Variants in ABCC1 observed in about 807,000 individuals in gnomAD.
ABCC1 encodes multidrug resistance-associated protein 1.
In ABCC1, 83 loss-of-function variants were observed where a neutral mutation model predicts 172.9. That is an observed-to-expected ratio of 0.48 (90% confidence interval 0.40 to 0.58). The LOEUF (loss-of-function observed/expected upper bound fraction) is 0.58, where lower values mean the gene tolerates loss of function less well. Among genes scored for constraint, ABCC1 ranks in the 20% least tolerant of loss-of-function variants. The pLI is 0.00. For synonymous variants in ABCC1, 937 were observed against 825.2 expected, an observed-to-expected ratio of 1.14 and a Z score of -2.32; for missense variants, 1,817 against 2,002.7, an observed-to-expected ratio of 0.91 and a Z score of 1.77.
chr16:16,098,806 G>GA, intron 19 of ABCC1: 2 of 1,308,072 alleles, frequency 1.5e-6, no homozygotes, highest in South Asian at 2.3e-5. Context: ...CCTTTATTTA[G>GA]ATAGGGGCTT....
In ABCC1 at chr16:16,141,316, G is replaced by A. The variant is rs751703876; in HGVS notation, c.*35G>A. On this transcript the variant is annotated 3_prime_UTR_variant, in exon 31 of 31. Coordinates refer to ENST00000399410, the MANE Select transcript of ABCC1 (RefSeq NM_004996.4). ...CTGGCATATCTGGTCAGAACTGCAG[G>A]GCCTATATGCCAGCGCCCAGGGAGG... 6.9e-6 allele frequency: 11 copies of A among 1,594,178 alleles called. No individual in the cohort carries two copies. The South Asian group carries it at 7.7e-5, about 11-fold the overall frequency.
At position 16,122,176 on chromosome 16, in the gene ABCC1, T is replaced by A; in HGVS notation, c.3590+2T>A. On this transcript the variant is annotated splice_donor_variant, in intron 24 of 30. Coordinates refer to ENST00000399410, the MANE Select transcript of ABCC1 (RefSeq NM_004996.4). LOFTEE classifies it high-confidence loss of function. ...TTACCCCAGCATCGTGGCCAACAGGTGGGCATGGTGGGCCTGCAGGAGCGG... is the reference window on the plus strand; with the variant it reads ...TTACCCCAGCATCGTGGCCAACAGGAGGGCATGGTGGGCCTGCAGGAGCGG... The A allele has an allele frequency of 6.2e-7, 1 of 1,614,006 alleles. No homozygotes were observed. Among genetic ancestry groups the A allele is most frequent in the Non-Finnish European group, 8.5e-7 (1 of 1,179,934 alleles).
intron 30 of ABCC1, among the ~76,000 whole-genome samples, chr16:16,139,366 C>T (rs2046042080): frequency 6.6e-6 from 1 of 151,882 alleles, no homozygotes; most frequent in Non-Finnish European, 1.5e-5. Context: ...AATCCCAGCA[C>T]TTTGGGAGGC....
chr16:16,115,798 C>T (rs926806945), intron 23 of ABCC1, among the ~76,000 whole-genome samples: 2 of 152,018 alleles, frequency 1.3e-5, no homozygotes, highest in African/African-American at 4.8e-5. Flanking sequence ...CTGTTCAGGG[C>T]TGGTATGGCA....
intron 22 of ABCC1, among the ~76,000 whole-genome samples, chr16:16,114,344 A>ATT (rs1029906186): frequency 2.7e-5 from 4 of 145,786 alleles, no homozygotes; most frequent in East Asian, 4.0e-4. Context: ...TATTATTACT[A>ATT]TTTTTTTTTT....
chr16:16,067,944 C>T (rs971314420), intron 12 of ABCC1, among the ~76,000 whole-genome samples: 8 of 152,182 alleles, frequency 5.3e-5, no homozygotes, highest in South Asian at 2.1e-4. Flanking sequence ...TTTGGGCTCC[C>T]GGTCGTTGAT....
At chr16:16,108,634 C>T (rs1245560779) in intron 21 of ABCC1, among the ~76,000 whole-genome samples, 8 of 147,618 alleles carry the variant, frequency 5.4e-5, no homozygotes, top group Admixed American at 3.5e-4. Context: ...CTGACTCTGT[C>T]ACCCAGGATG....
At chr16:16,026,180 C>G (rs2048361381) in intron 5 of ABCC1, among the ~76,000 whole-genome samples, 1 of 151,992 alleles carries the variant, frequency 6.6e-6, no homozygotes, top group African/African-American at 2.4e-5. Context: ...GCCTGTAATC[C>G]CAGCACTTTG....
intron 1 of ABCC1, among the ~76,000 whole-genome samples, chr16:15,961,656 C>T (rs1293379250): frequency 6.6e-6 from 1 of 152,058 alleles, no homozygotes; most frequent in Non-Finnish European, 1.5e-5. Context: ...TTTTTTCCCT[C>T]CCTAGTTGGG....
chr16:15,966,671 G>A (rs1233058446), intron 1 of ABCC1, among the ~76,000 whole-genome samples: 1 of 140,918 alleles, frequency 7.1e-6, no homozygotes. Flanking sequence ...TTTTTTTAGA[G>A]ACAGAGACTC....
At position 16,111,539 on chromosome 16, in the gene ABCC1, G is replaced by A. The variant is rs751467717; in HGVS notation, c.3036G>A (p.Thr1012=). 7 of 1,613,940 alleles carry A rather than the reference G, an allele frequency of 4.3e-6. No individual in the cohort carries two copies. Among genetic ancestry groups the A allele is most frequent in the Admixed American group, 1.7e-5 (1 of 60,010 alleles). Residue 1012 remains threonine (T), a synonymous_variant, in exon 22 of 31, where the codon ACG becomes ACA. Transcript: ENST00000399410. ...DPIVNGTQEH[T]KVRLSVYGAL... is the part of the protein sequence containing the mutation. ...TCGTCAACGGGACTCAGGAGCACACGAAAGTCCGGCTGAGCGTCTATGGAG... is the reference window on the plus strand; with the variant it reads ...TCGTCAACGGGACTCAGGAGCACACAAAAGTCCGGCTGAGCGTCTATGGAG...
At chr16:15,984,742 C>G (rs2046706149) in intron 1 of ABCC1, among the ~76,000 whole-genome samples, 1 of 152,064 alleles carries the variant, frequency 6.6e-6, no homozygotes, top group Admixed American at 6.5e-5. Flanking sequence ...CCGCGCCCGG[C>G]CTATATATGT....
chr16:16,043,566 C>T (rs1287181635), intron 7 of ABCC1, among the ~76,000 whole-genome samples: 2 of 151,904 alleles, frequency 1.3e-5, no homozygotes, highest in African/African-American at 2.4e-5. Flanking sequence ...TCCCATAGTG[C>T]TGGGATTACA....
intron 21 of ABCC1, among the ~76,000 whole-genome samples, chr16:16,110,932 A>T (rs2052359065): frequency 6.6e-6 from 1 of 151,688 alleles, no homozygotes; most frequent in Admixed American, 6.6e-5. Context: ...ACGGAGTCTC[A>T]CTCTGTCGCC....
intron 1 of ABCC1, among the ~76,000 whole-genome samples, chr16:15,952,743 AAGC>A (rs1175586778): frequency 3.1e-5 from 4 of 129,006 alleles, no homozygotes; most frequent in African/African-American, 8.5e-5. Context: ...AAAAAAAAAA[AAGC>A]AGGCCGGGTG....
chr16:16,077,970 C>T (rs2050646451), intron 15 of ABCC1, among the ~76,000 whole-genome samples: 1 of 152,166 alleles, frequency 6.6e-6, no homozygotes, highest in Non-Finnish European at 1.5e-5. Flanking sequence ...CCAGCCTGGC[C>T]AATGTGGGGA....
At chr16:16,087,791 A>G (rs902801988) in intron 18 of ABCC1, among the ~76,000 whole-genome samples, 1 of 151,186 alleles carries the variant, frequency 6.6e-6, no homozygotes, top group Non-Finnish European at 1.5e-5. Flanking sequence ...ACACATCCCC[A>G]TGGGGGGCAT....
intron 1 of ABCC1, among the ~76,000 whole-genome samples, chr16:15,998,047 C>G (rs1567296574): frequency 6.6e-6 from 1 of 151,578 alleles, no homozygotes. Context: ...GTCTTGAACT[C>G]CTGGCCTCAA....
At chr16:16,005,474 A>G (rs949415120) in intron 1 of ABCC1, among the ~76,000 whole-genome samples, 5 of 152,014 alleles carry the variant, frequency 3.3e-5, no homozygotes, top group Non-Finnish European at 5.9e-5. Flanking sequence ...CAGCCTCCCA[A>G]GTAGCTGAGA....
Sources: gnomAD v4.1 joint callset for allele counts (sites outside exome capture counted in the v4.1 genomes callset) on GRCh38, gnomAD v4.1.1 for gene constraint, MANE v1.5 for transcripts, NCBI Gene and HGNC (gene_info 2026-07-23, HGNC 2026-07-21) for gene names.